Variants in ZMYM4 observed in about 807,000 individuals in gnomAD.
The protein encoded by ZMYM4 is zinc finger MYM-type protein 4.
A neutral mutation model predicts 183.2 loss-of-function variants in ZMYM4; 31 were observed. That is an observed-to-expected ratio of 0.17 (90% CI 0.13 to 0.23). The LOEUF is 0.23. ZMYM4 is among the 10% of genes least tolerant of loss of function. ZMYM4 has a pLI of 1.00. For missense variants in ZMYM4, 1,273 were observed against 1,840.3 expected, an observed-to-expected ratio of 0.69 and a Z score of 5.64; for synonymous variants, 592 against 631.2, an observed-to-expected ratio of 0.94 and a Z score of 0.93.
At chr1:35,302,334 GA>G (rs1368096451) in intron 1 of ZMYM4, among the ~76,000 whole-genome samples, 2 of 148,300 alleles carry the variant, frequency 1.3e-5, no homozygotes, top group Admixed American at 6.8e-5. Context: ...AGCCTCTGGA[GA>G]AGCTGGGACT....
intron 26 of ZMYM4, among the ~76,000 whole-genome samples, chr1:35,412,284 T>G (rs1158964781): frequency 6.6e-6 from 1 of 152,146 alleles, no homozygotes; most frequent in African/African-American, 2.4e-5. Flanking sequence ...ACTTATTAGC[T>G]CTAATAATTC....
At chr1:35,346,883 T>A (rs1049526530) in intron 2 of ZMYM4, among the ~76,000 whole-genome samples, 1 of 152,188 alleles carries the variant, frequency 6.6e-6, no homozygotes, top group African/African-American at 2.4e-5. Flanking sequence ...TCAACAAATA[T>A]GACTTTTTGC....
chr1:35,365,239 CTTT>C (rs746304675), intron 5 of ZMYM4, among the ~76,000 whole-genome samples: 8 of 85,310 alleles, frequency 9.4e-5, no homozygotes, highest in Non-Finnish European at 1.7e-4. Flanking sequence ...TAATCAAAGT[CTTT>C]TTTTTTTTTT....
rs1403895908 is a variant in ZMYM4, at chr1:35,381,609, A to G, written c.1420A>G (p.Lys474Glu). Residue 474 changes from lysine (K) to glutamate (E), a missense_variant, in exon 9 of 30, where the codon AAG becomes GAG. Lys to Glu is a moderately conservative substitution (Grantham distance 56). Coordinates refer to ENST00000314607, the MANE Select transcript of ZMYM4 (RefSeq NM_005095.3). ...ACTTTGCAGTGATGCCTGCTTCTCT[A>G]AGTTTCGTTCTGCTAACAACCTCAC... The part of the protein sequence containing the change: ...HKLCSDACFS[K>E]FRSANNLTMN... 1 of 1,614,230 alleles carries G rather than the reference A, an allele frequency of 6.2e-7. No homozygotes were observed. The highest frequency in any genetic ancestry group is 2.2e-5 in the East Asian group (1 of 44,876).
intron 2 of ZMYM4, among the ~76,000 whole-genome samples, chr1:35,339,549 A>G (rs561363802): frequency 6.6e-6 from 1 of 152,310 alleles, no homozygotes; most frequent in East Asian, 1.9e-4. Context: ...TAAGTAACCT[A>G]GAGATGAATT....
chr1:35,370,596 C>G lies in ZMYM4; in HGVS notation c.1150C>G (p.Leu384Val). ...TVPPARPPPPLTKKTCSSCSK... is the reference protein window; with the variant it reads ...TVPPARPPPPVTKKTCSSCSK... ...TCCACCTGCCCGCCCACCGCCTCCT[C>G]TCACCAAGAAAACTTGTTCAAGTTG... Residue 384 changes from leucine to valine, a missense_variant, in exon 7 of 30, where the codon CTC becomes GTC. Leu to Val is a conservative substitution (Grantham distance 32). Transcript: ENST00000314607. The G allele has an allele frequency of 1.9e-6, 3 of 1,610,762 alleles. No individual in the cohort carries two copies. Among genetic ancestry groups the G allele is most frequent in the Non-Finnish European group, 2.5e-6 (3 of 1,178,010 alleles).
chr1:35,390,048 T>A lies in ZMYM4; in HGVS notation c.2537T>A (p.Met846Lys). The A allele has an allele frequency of 6.2e-7, 1 of 1,614,056 alleles. No homozygotes were observed. Among genetic ancestry groups the A allele is most frequent in the Admixed American group, 1.7e-5 (1 of 60,000 alleles). ...TTCTGTAACCTGCTTTGTATCTTGA[T>A]GTTCTGTAATCAGCAAAGTGTATGT... ...KHFCNLLCIL[M>K]FCNQQSVCDP... Residue 846 changes from methionine (M) to lysine (K), a missense_variant, in exon 15 of 30, where the codon ATG (methionine) becomes AAG (lysine). Coordinates refer to ENST00000314607, the MANE Select transcript of ZMYM4 (RefSeq NM_005095.3).
chr1:35,289,742 TG>T (rs1006912176), intron 1 of ZMYM4, among the ~76,000 whole-genome samples: 3 of 152,094 alleles, frequency 2.0e-5, no homozygotes, highest in Non-Finnish European at 4.4e-5. Flanking sequence ...CCCCACTAGT[TG>T]TGGTAACTAA....
In ZMYM4 at chr1:35,365,997, A is replaced by G. The variant is rs1441472509; in HGVS notation, c.841-4032A>G. The G allele has an allele frequency of 2.0e-5, 3 of 152,248 alleles. No homozygotes were observed. The East Asian group carries it at 5.8e-4, about 29-fold the overall frequency. 9.4% of individuals were successfully genotyped at this position (152,248 alleles called of 1,614,324 possible). A position where few individuals can be genotyped will look rare whatever the true frequency, so the allele number is the denominator to read the frequency against. Reference sequence around the variant, plus strand: ...CTAAAGGAATCCAGCAGAAGTTTGCAATAGCCATCACAGAGACTAAGAGAG... The same window carrying G: ...CTAAAGGAATCCAGCAGAAGTTTGCGATAGCCATCACAGAGACTAAGAGAG... On this transcript the variant is annotated intron_variant, in intron 5 of 29. Coordinates refer to ENST00000314607, the MANE Select transcript of ZMYM4 (RefSeq NM_005095.3).
At chr1:35,400,661 G>A (rs1405750402) in intron 23 of ZMYM4, among the ~76,000 whole-genome samples, 1 of 152,132 alleles carries the variant, frequency 6.6e-6, no homozygotes, top group African/African-American at 2.4e-5. Flanking sequence ...AGTTCTGAGT[G>A]TACATTTTGA....
At chr1:35,368,182 A>C (rs1239266676) in intron 5 of ZMYM4, among the ~76,000 whole-genome samples, 1 of 151,654 alleles carries the variant, frequency 6.6e-6, no homozygotes, top group Non-Finnish European at 1.5e-5. Context: ...CCACCAGAGC[A>C]GAGTTGAGTA....
intron 2 of ZMYM4, among the ~76,000 whole-genome samples, chr1:35,341,868 AT>A (rs1214865228): frequency 6.6e-6 from 1 of 152,156 alleles, no homozygotes; most frequent in Non-Finnish European, 1.5e-5. Flanking sequence ...ACATTAAAAA[AT>A]ATATGTTCCC....
intron 1 of ZMYM4, among the ~76,000 whole-genome samples, chr1:35,313,561 T>C (rs1327389817): frequency 6.6e-6 from 1 of 151,384 alleles, no homozygotes; most frequent in African/African-American, 2.4e-5. Flanking sequence ...GCTAATTTTT[T>C]GTATTTTAGT....
chr1:35,409,151 G>A (rs983912421), intron 26 of ZMYM4, among the ~76,000 whole-genome samples: 2 of 152,196 alleles, frequency 1.3e-5, no homozygotes, highest in African/African-American at 4.8e-5. Flanking sequence ...CTATCATATG[G>A]ATATACCACA....
At chr1:35,278,564 T>C (rs749916445) in intron 1 of ZMYM4, among the ~76,000 whole-genome samples, 2 of 152,024 alleles carry the variant, frequency 1.3e-5, no homozygotes, top group Non-Finnish European at 2.9e-5. Context: ...TAGCTGGGAC[T>C]ACAGGAGCGT....
chr1:35,321,335 A>G (rs1642273742), intron 1 of ZMYM4, among the ~76,000 whole-genome samples: 4 of 152,088 alleles, frequency 2.6e-5, no homozygotes, highest in Admixed American at 2.0e-4. Context: ...AGCTGAGTAT[A>G]TGTTTACTAT....
intron 1 of ZMYM4, among the ~76,000 whole-genome samples, chr1:35,289,345 G>A (rs550952422): frequency 6.6e-6 from 1 of 151,900 alleles, no homozygotes; most frequent in Admixed American, 6.6e-5. Flanking sequence ...TAGATGATGA[G>A]AATTGGTTGG....
intron 26 of ZMYM4, among the ~76,000 whole-genome samples, chr1:35,409,132 A>G (rs1450411338): frequency 6.6e-6 from 1 of 152,240 alleles, no homozygotes; most frequent in Non-Finnish European, 1.5e-5. Flanking sequence ...TTTATGGCTG[A>G]ATAATATTCT....
intron 1 of ZMYM4, among the ~76,000 whole-genome samples, chr1:35,269,892 C>T (rs1456095537): frequency 6.6e-5 from 10 of 152,330 alleles, no homozygotes. Context: ...ATATCCCTCA[C>T]TTTTCTTTTA....
Sources: gnomAD v4.1 joint callset for allele counts (sites outside exome capture counted in the v4.1 genomes callset) on GRCh38, gnomAD v4.1.1 for gene constraint, MANE v1.5 for transcripts, NCBI Gene and HGNC (gene_info 2026-07-23, HGNC 2026-07-21) for gene names.